Variants in CENPP observed in about 807,000 individuals in gnomAD.
CENPP encodes the protein centromere protein P.
A neutral mutation model predicts 35.6 loss-of-function variants in CENPP; 24 were observed. That is an observed-to-expected ratio of 0.67 (90% CI 0.49 to 0.95). The LOEUF is 0.95. CENPP is among the 40% of genes least tolerant of loss of function. The pLI is 0.00. For synonymous variants in CENPP, 120 were observed against 125.5 expected, an observed-to-expected ratio of 0.96 and a Z score of 0.29; for missense variants, 332 against 345.3, an observed-to-expected ratio of 0.96 and a Z score of 0.31.
At position 92,558,512 on chromosome 9, in the gene CENPP, G is replaced by A. The variant is rs556640230; in HGVS notation, c.565-52802G>A. On this transcript the variant is annotated intron_variant, in intron 5 of 7. Coordinates refer to ENST00000375587, the MANE Select transcript of CENPP (RefSeq NM_001012267.3). ...TGAACCATCTATGGGTCTCTCAGCC[G>A]TGGATACCAGTGCCTATTCTGGTGG... Among the ~76,000 whole-genome samples, 14 of 152,286 alleles carry A rather than the reference G, an allele frequency of 9.2e-5. No homozygotes were observed. The South Asian group carries it at 1.9e-3, about 20-fold the overall frequency.
At chr9:92,378,830 C>T (rs1408293900) in intron 4 of CENPP, among the ~76,000 whole-genome samples, 1 of 152,146 alleles carries the variant, frequency 6.6e-6, no homozygotes, top group Non-Finnish European at 1.5e-5. Context: ...GAATAGGATA[C>T]GTGGTGTGGT....
intron 5 of CENPP, among the ~76,000 whole-genome samples, chr9:92,530,953 C>T (rs1047034182): frequency 2.0e-5 from 3 of 152,098 alleles, no homozygotes; most frequent in African/African-American, 4.8e-5. Flanking sequence ...GTTTTCTGCT[C>T]CTGCATGTAA....
At chr9:92,405,642 A>G (rs1843284731) in intron 5 of CENPP, among the ~76,000 whole-genome samples, 2 of 152,174 alleles carry the variant, frequency 1.3e-5, no homozygotes, top group African/African-American at 4.8e-5. Context: ...AACAACAGAC[A>G]TTGATTTGTT....
chr9:92,379,489 T>A (rs1842197325), intron 4 of CENPP, among the ~76,000 whole-genome samples: 1 of 152,218 alleles, frequency 6.6e-6, no homozygotes, highest in Non-Finnish European at 1.5e-5. Context: ...ACTACAGTCA[T>A]CAAATAAAAT....
rs771255534 is a variant in CENPP at position 92,514,811 on chromosome 9, G to GGTCCTCCTC, written c.565-96493_565-96485dup. The GGTCCTCCTC allele has an allele frequency of 7.4e-6, 12 of 1,613,116 alleles. No individual in the cohort carries two copies. In the South Asian group the frequency reaches 7.7e-5, roughly 10 times the overall value. On this transcript the variant is annotated intron_variant, in intron 5 of 7. Coordinates refer to ENST00000375587, the MANE Select transcript of CENPP (RefSeq NM_001012267.3). ...ATTCGGAACATATCTCCTCTTACCG[G>GGTCCTCCTC]GTCCTCCTCGTCCTCCTCATCCTCC...
intron 4 of CENPP, among the ~76,000 whole-genome samples, chr9:92,352,467 CTGTGTGTGTGTGTGTGTGTGTGTG>C (rs61233585): frequency 1.4e-5 from 1 of 71,380 alleles, no homozygotes; most frequent in Admixed American, 1.4e-4. Flanking sequence ...TGCTTAAAGC[CTGTGTGTGTGTGTGTGTGTGTGTG>C]TGTGTGTGTG....
At chr9:92,393,906 G>A (rs1842787151) in intron 5 of CENPP, among the ~76,000 whole-genome samples, 1 of 152,078 alleles carries the variant, frequency 6.6e-6, no homozygotes, top group African/African-American at 2.4e-5. Context: ...GTGTCCAAAA[G>A]CACATGATAT....
chr9:92,515,905 A>G (rs1847674217), intron 5 of CENPP, among the ~76,000 whole-genome samples: 1 of 152,146 alleles, frequency 6.6e-6, no homozygotes, highest in Non-Finnish European at 1.5e-5. Context: ...TTATCCTTCC[A>G]TGATGGTGGG....
In CENPP at chr9:92,616,117, C is replaced by T. The variant is rs1276511484; in HGVS notation, c.*2968C>T. The T allele has an allele frequency of 7.8e-6, 9 of 1,157,130 alleles. No homozygotes were observed. Among genetic ancestry groups the T allele is most frequent in the Admixed American group, 2.2e-5 (1 of 46,198 alleles). The allele number at this position is 1,157,130 out of a possible 1,614,324, so 71.7% of individuals were successfully genotyped here. A position where few individuals can be genotyped will look rare whatever the true frequency, so the allele number is the denominator to read the frequency against. On this transcript the variant is annotated 3_prime_UTR_variant, in exon 8 of 8. Transcript: ENST00000375587. ...GCCCCCCATTCATTTCCCTCCCTCC[C>T]GTTCTCTCTCCCTTTCTTCTTTCAA...
chr9:92,525,886 C>G (rs1341430186), intron 5 of CENPP, among the ~76,000 whole-genome samples: 1 of 120,692 alleles, frequency 8.3e-6, no homozygotes, highest in Non-Finnish European at 1.6e-5. Flanking sequence ...CAGAGAGACT[C>G]TATCTCCAAA....
chr9:92,542,137 G>A (rs753689555), intron 5 of CENPP, among the ~76,000 whole-genome samples: 5 of 152,040 alleles, frequency 3.3e-5, no homozygotes, highest in African/African-American at 9.7e-5. Flanking sequence ...TAGATCATCC[G>A]GTAGTTCTAC....
intron 6 of CENPP, 120 bp from the exon 7 acceptor site, chr9:92,612,403 T>A: frequency 1.4e-6 from 1 of 728,264 alleles, no homozygotes; most frequent in South Asian, 1.6e-5. Flanking sequence ...TGGCTGTGGA[T>A]TGGGGTTTCT....
At chr9:92,387,497 A>G (rs1194613917) in intron 5 of CENPP, among the ~76,000 whole-genome samples, 1 of 152,212 alleles carries the variant, frequency 6.6e-6, no homozygotes, top group African/African-American at 2.4e-5. Context: ...CATGATCAGT[A>G]ACCCATTATT....
At chr9:92,461,092 T>TA (rs1845091555) in intron 5 of CENPP, among the ~76,000 whole-genome samples, 1 of 145,304 alleles carries the variant, frequency 6.9e-6, no homozygotes, top group Non-Finnish European at 1.5e-5. Context: ...CCATTTTTCC[T>TA]ATCTTGTTTT....
At chr9:92,349,013 A>T (rs1026694066) in intron 4 of CENPP, among the ~76,000 whole-genome samples, 1 of 152,148 alleles carries the variant, frequency 6.6e-6, no homozygotes, top group African/African-American at 2.4e-5. Context: ...TGTTTAGGGT[A>T]TATTTGTGTG....
intron 5 of CENPP, among the ~76,000 whole-genome samples, chr9:92,496,818 A>C (rs1421636950): frequency 6.7e-6 from 1 of 150,100 alleles, no homozygotes; most frequent in African/African-American, 2.5e-5. Flanking sequence ...AAAGTAACTT[A>C]TATCGCAGAT....
intron 5 of CENPP, chr9:92,457,094 C>T (rs926238139): frequency 1.8e-5 from 24 of 1,367,580 alleles, no homozygotes; most frequent in Non-Finnish European, 2.1e-5. Flanking sequence ...GCTTGTTTCT[C>T]TCAACCCTTA....
At chr9:92,509,766 T>C in intron 5 of CENPP, 1 of 941,498 alleles carries the variant, frequency 1.1e-6, no homozygotes, top group Non-Finnish European at 1.5e-6. Context: ...AGAAGTTTTA[T>C]CAACTCAAAT....
intron 5 of CENPP, among the ~76,000 whole-genome samples, chr9:92,443,195 TAA>T (rs1433066276): frequency 2.6e-5 from 4 of 152,220 alleles, no homozygotes; most frequent in African/African-American, 9.6e-5. Context: ...TTAGAATTAA[TAA>T]GTCTAATTCT....
Sources: allele counts gnomAD v4.1 joint callset (sites outside exome capture counted in the v4.1 genomes callset), GRCh38; gene constraint gnomAD v4.1.1; transcripts MANE v1.5; gene names NCBI Gene and HGNC (gene_info 2026-07-23, HGNC 2026-07-21).